The following ORC4 variants were observed in gnomAD, a reference collection of about 807,000 sequenced individuals.
The protein encoded by ORC4 is origin recognition complex subunit 4.
Under a neutral mutation model 63.9 loss-of-function variants are expected in ORC4, and 55 were observed. The ratio of observed to expected loss-of-function variants is 0.86; its 90% CI spans 0.69 to 1.08. The LOEUF is 1.08. Among genes scored for constraint, ORC4 ranks in the 50% least tolerant of loss-of-function variants. The probability of loss-of-function intolerance (pLI) is 0.00; values close to 1 mark genes in which losing one functional copy is unlikely to be tolerated. For missense variants in ORC4, 511 were observed against 504.4 expected (o/e 1.01, Z -0.13); for synonymous variants, 150 against 168.5 (o/e 0.89, Z 0.85).
intron 9 of ORC4, among the ~76,000 whole-genome samples, chr2:147,944,373 A>G (rs912003470): frequency 9.2e-5 from 14 of 152,116 alleles, no homozygotes; most frequent in Non-Finnish European, 1.5e-5. Flanking sequence ...AGAATCTAAG[A>G]CAGAGTAGAG....
intron 1 of ORC4, among the ~76,000 whole-genome samples, chr2:148,011,503 C>T (rs886721870): frequency 1.3e-5 from 2 of 152,118 alleles, no homozygotes; most frequent in Non-Finnish European, 2.9e-5. Context: ...ACAACAAACC[C>T]ACAGTTAGTA....
intron 2 of ORC4, among the ~76,000 whole-genome samples, chr2:147,974,316 T>C (rs1435768368): frequency 6.6e-6 from 1 of 152,058 alleles, no homozygotes; most frequent in Non-Finnish European, 1.5e-5. Flanking sequence ...GACAATAACA[T>C]CTTATGGCAG....
At chr2:148,003,060 G>A (rs1372614667) in intron 1 of ORC4, among the ~76,000 whole-genome samples, 1 of 152,086 alleles carries the variant, frequency 6.6e-6, no homozygotes, top group Non-Finnish European at 1.5e-5. Flanking sequence ...GACTAAACCA[G>A]GAAGAAGTCG....
intron 11 of ORC4, chr2:147,938,731 C>T (rs910382376): frequency 5.4e-5 from 18 of 332,250 alleles, no homozygotes; most frequent in African/African-American, 8.6e-5. Flanking sequence ...AGGGCCTTTG[C>T]GTAGGATTTA....
chr2:147,972,917 GC>G (rs1352862896), intron 3 of ORC4, 88 bp from the exon 4 acceptor site: 19 of 857,432 alleles, frequency 2.2e-5, no homozygotes, highest in South Asian at 2.2e-4. Flanking sequence ...ATTTGAATAT[GC>G]ACAGAAATTT....
intron 3 of ORC4, among the ~76,000 whole-genome samples, chr2:147,973,118 A>C (rs548320578): frequency 4.6e-4 from 70 of 152,284 alleles, no homozygotes; most frequent in African/African-American, 1.7e-3. Context: ...GGACCCTTGG[A>C]TTCAAATCTC....
chr2:147,993,666 T>C (rs984715097), intron 1 of ORC4, among the ~76,000 whole-genome samples: 3 of 152,046 alleles, frequency 2.0e-5, no homozygotes, highest in African/African-American at 7.2e-5. Flanking sequence ...TGAAATAGGA[T>C]TTTTAGACAG....
At chr2:147,983,893 A>T (rs1268447366) in intron 1 of ORC4, among the ~76,000 whole-genome samples, 1 of 152,172 alleles carries the variant, frequency 6.6e-6, no homozygotes, top group Non-Finnish European at 1.5e-5. Context: ...AATTAACAGA[A>T]GACAAGGTGG....
intron 8 of ORC4, chr2:147,951,701 A>C (rs1688968610): frequency 6.6e-6 from 1 of 152,232 alleles, no homozygotes. Flanking sequence ...ATGTTATAGC[A>C]ACACAAAATG....
intron 1 of ORC4, among the ~76,000 whole-genome samples, chr2:148,017,603 C>T (rs576018926): frequency 1.3e-5 from 2 of 152,196 alleles, no homozygotes; most frequent in South Asian, 2.1e-4. Context: ...ACTTGGGAGG[C>T]GGAGGTTGCA....
At chr2:147,956,394 C>T (rs1689254169) in intron 6 of ORC4, among the ~76,000 whole-genome samples, 2 of 151,992 alleles carry the variant, frequency 1.3e-5, no homozygotes, top group Admixed American at 1.3e-4. Context: ...GTCTTTCAGG[C>T]TTTTTGCTTA....
At chr2:147,955,417 A>G (rs917810818) in intron 6 of ORC4, 22 bp from the exon 7 acceptor site, 15 of 1,567,726 alleles carry the variant, frequency 9.6e-6, no homozygotes, top group Non-Finnish European at 1.3e-5. Flanking sequence ...AATGAGATAA[A>G]ATGATTAAAA....
chr2:147,952,371 A>T lies in ORC4; in HGVS notation c.588+2T>A. 3 of 1,592,450 alleles carry T rather than the reference A, an allele frequency of 1.9e-6. No homozygotes were observed. The highest frequency in any genetic ancestry group is 2.6e-6 in the Non-Finnish European group (3 of 1,162,098). On this transcript the variant is annotated splice_donor_variant, in intron 8 of 13. Transcript: ENST00000392857. LOFTEE classifies it high-confidence loss of function. ...ATTTTTTTAATGAACAGAAAGACTT[A>T]CCAATCTACATGTAAGACCAATAAC...
At chr2:147,961,953 T>G (rs1689618986) in intron 4 of ORC4, among the ~76,000 whole-genome samples, 1 of 152,142 alleles carries the variant, frequency 6.6e-6, no homozygotes, top group African/African-American at 2.4e-5. Context: ...GATGGCTGAT[T>G]AGAGACTCCT....
upstream of ORC4, chr2:148,021,297 G>T: frequency 2.6e-6 from 1 of 382,502 alleles, no homozygotes; most frequent in Admixed American, 3.3e-5. Flanking sequence ...TTGAGCCTGA[G>T]AGAGGAGAAG....
At chr2:147,936,702 A>C (rs1024333833) in intron 13 of ORC4, 7 of 152,220 alleles carry the variant, frequency 4.6e-5, no homozygotes, top group African/African-American at 1.4e-4. Context: ...GAAAATTCAG[A>C]AATGAGCAGC....
chr2:147,985,425 T>G (rs945391299), intron 1 of ORC4, among the ~76,000 whole-genome samples: 3 of 152,188 alleles, frequency 2.0e-5, no homozygotes, highest in Non-Finnish European at 4.4e-5. Context: ...CTCGATTTCC[T>G]GACCTCGTGA....
At chr2:147,944,103 G>T (rs1688523154) in intron 9 of ORC4, among the ~76,000 whole-genome samples, 1 of 152,034 alleles carries the variant, frequency 6.6e-6, no homozygotes, top group Admixed American at 6.6e-5. Context: ...GGTAAAGTGG[G>T]TCGGAATTAT....
chr2:147,980,050 T>G (rs1171056986), intron 1 of ORC4, among the ~76,000 whole-genome samples: 1 of 152,054 alleles, frequency 6.6e-6, no homozygotes, highest in African/African-American at 2.4e-5. Context: ...GAAGCAAGAA[T>G]AATGAAAACA....
Sources: gnomAD v4.1 joint callset for allele counts (sites outside exome capture counted in the v4.1 genomes callset) on GRCh38, gnomAD v4.1.1 for gene constraint, MANE v1.5 for transcripts, NCBI Gene and HGNC (gene_info 2026-07-23, HGNC 2026-07-21) for gene names.